Variants in TPD52 observed in about 807,000 individuals in gnomAD.
TPD52 encodes prostate and colon associated protein.
Under a neutral mutation model 31.3 loss-of-function variants are expected in TPD52, and 17 were observed. That is an observed-to-expected ratio of 0.54 (90% CI 0.37 to 0.82). TPD52 has a LOEUF of 0.82. Ranked by LOEUF, TPD52 falls within the 40% of genes least tolerant of loss-of-function variation. The probability of loss-of-function intolerance (pLI) is 0.00; values close to 1 mark genes in which losing one functional copy is unlikely to be tolerated. For missense variants in TPD52, 212 were observed against 240.1 expected, an observed-to-expected ratio of 0.88 and a Z score of 0.77; for synonymous variants, 83 against 89.6, an observed-to-expected ratio of 0.93 and a Z score of 0.42.
chr8:80,076,073 A>AT (rs1304829872), intron 1 of TPD52, among the ~76,000 whole-genome samples: 7 of 152,338 alleles, frequency 4.6e-5, no homozygotes, highest in Non-Finnish European at 1.0e-4. Flanking sequence ...CCTTAAGTCA[A>AT]TAGAAATAAC....
intron 1 of TPD52, among the ~76,000 whole-genome samples, chr8:80,099,392 G>A (rs1430530921): frequency 1.3e-5 from 2 of 151,976 alleles, no homozygotes; most frequent in African/African-American, 4.8e-5. Context: ...AAAACACAAT[G>A]TTTTGAATAT....
At chr8:80,118,248 T>C (rs1808012696) in intron 1 of TPD52, among the ~76,000 whole-genome samples, 1 of 152,150 alleles carries the variant, frequency 6.6e-6, no homozygotes, top group South Asian at 2.1e-4. Flanking sequence ...GGAAAATGGA[T>C]AGCCACATGC....
At chr8:80,167,134 C>T (rs1404810679) in intron 1 of TPD52, among the ~76,000 whole-genome samples, 1 of 152,026 alleles carries the variant, frequency 6.6e-6, no homozygotes, top group Non-Finnish European at 1.5e-5. Flanking sequence ...CCTTAATCCC[C>T]TGGAAACATT....
At chr8:80,064,804 T>C (rs1812943264) in intron 1 of TPD52, 2 of 684,194 alleles carry the variant, frequency 2.9e-6, no homozygotes, top group South Asian at 1.5e-5. Flanking sequence ...TGCCAAAATA[T>C]GAATTTAGAA....
chr8:80,102,008 A>G (rs1426552627), intron 1 of TPD52, among the ~76,000 whole-genome samples: 1 of 152,216 alleles, frequency 6.6e-6, no homozygotes, highest in Non-Finnish European at 1.5e-5. Flanking sequence ...GTGTGCACAC[A>G]CTGAGGGGCT....
At chr8:80,147,927 G>A (rs781454834) in intron 1 of TPD52, among the ~76,000 whole-genome samples, 16 of 151,922 alleles carry the variant, frequency 1.1e-4, no homozygotes, top group Non-Finnish European at 1.9e-4. Context: ...TACTGCCAAT[G>A]CTTGTAAAGA....
chr8:80,156,501 A>G (rs1315854767), intron 1 of TPD52, among the ~76,000 whole-genome samples: 3 of 152,108 alleles, frequency 2.0e-5, no homozygotes, highest in Non-Finnish European at 2.9e-5. Context: ...ATGTTTTAAA[A>G]CCATCACCAA....
At chr8:80,147,642 C>G (rs533804444) in intron 1 of TPD52, among the ~76,000 whole-genome samples, 3 of 152,262 alleles carry the variant, frequency 2.0e-5, no homozygotes, top group African/African-American at 7.2e-5. Flanking sequence ...GCTCCCAGCC[C>G]CCACCATCAT....
chr8:80,068,476 T>G (rs1813409356), intron 1 of TPD52, among the ~76,000 whole-genome samples: 1 of 152,206 alleles, frequency 6.6e-6, no homozygotes, highest in African/African-American at 2.4e-5. Flanking sequence ...CAGATAACAT[T>G]ATCAAACACA....
intron 1 of TPD52, among the ~76,000 whole-genome samples, chr8:80,072,437 G>A (rs1424620833): frequency 5.3e-5 from 5 of 94,520 alleles, no homozygotes; most frequent in Admixed American, 1.2e-4. Context: ...ATAGATATGC[G>A]TGTATATACA....
rs564753642 is a variant in TPD52, at chr8:80,037,310, G to A, written c.*806C>T. On this transcript the variant is annotated 3_prime_UTR_variant, in exon 8 of 8. Transcript: ENST00000518937. ...CTGAACATTGATGACAGTGTTCATA[G>A]TTCAACCTACTGAACATACAGTGTG... 56 of 152,446 alleles carry A rather than the reference G, an allele frequency of 3.7e-4. No individual in the cohort carries two copies. Among genetic ancestry groups the A allele is most frequent in the African/African-American group, 1.3e-3 (54 of 41,548 alleles). The allele number at this position is 152,446 out of a possible 1,614,324, so 9.4% of individuals were successfully genotyped here. A position where few individuals can be genotyped will look rare whatever the true frequency, so the allele number is the denominator to read the frequency against.
intron 1 of TPD52, among the ~76,000 whole-genome samples, chr8:80,119,174 A>G (rs577646095): frequency 6.6e-6 from 1 of 152,372 alleles, no homozygotes; most frequent in Admixed American, 6.5e-5. Context: ...AAAAGACCAC[A>G]TATGTATAAA....
intron 1 of TPD52, among the ~76,000 whole-genome samples, chr8:80,160,525 C>T (rs927218452): frequency 1.3e-5 from 2 of 152,112 alleles, no homozygotes; most frequent in African/African-American, 4.8e-5. Flanking sequence ...ATTCCAACTT[C>T]CATACTGAAA....
intron 1 of TPD52, among the ~76,000 whole-genome samples, chr8:80,091,464 CA>C (rs58616020): frequency 0.55 from 66,543 of 121,646 alleles, 16,763 homozygotes; most frequent in East Asian, 0.77. Context: ...GACTCCATCT[CA>C]AAAAAAAAAA....
intron 2 of TPD52, among the ~76,000 whole-genome samples, chr8:80,061,938 GA>G: frequency 6.6e-6 from 1 of 152,062 alleles, no homozygotes; most frequent in South Asian, 2.1e-4. Context: ...TAAATAAATG[GA>G]AAGACATTTC....
chr8:80,032,515 G>A (rs1809719529), downstream of TPD52, among the ~76,000 whole-genome samples: 1 of 152,190 alleles, frequency 6.6e-6, no homozygotes, highest in African/African-American at 2.4e-5. Flanking sequence ...GCCAGCCTGG[G>A]CAACACAGTG....
chr8:80,081,308 C>T (rs74953663), intron 1 of TPD52, among the ~76,000 whole-genome samples: 2,220 of 152,176 alleles, frequency 0.015, 25 homozygotes, highest in Middle Eastern at 0.037. Flanking sequence ...AATAAACCTG[C>T]GTACCCACCC....
intron 1 of TPD52, among the ~76,000 whole-genome samples, chr8:80,114,266 C>A (rs1807706622): frequency 6.6e-6 from 1 of 151,982 alleles, no homozygotes; most frequent in Admixed American, 6.6e-5. Flanking sequence ...CACAACTCTG[C>A]CTTTCTCCCT....
chr8:80,088,271 A>G (rs1340933554), intron 1 of TPD52, among the ~76,000 whole-genome samples: 1 of 152,210 alleles, frequency 6.6e-6, no homozygotes, highest in Non-Finnish European at 1.5e-5. Flanking sequence ...CTGGAACCAC[A>G]TGGGATCACA....
Sources: gnomAD v4.1 joint callset for allele counts (sites outside exome capture counted in the v4.1 genomes callset) on GRCh38, gnomAD v4.1.1 for gene constraint, MANE v1.5 for transcripts, NCBI Gene and HGNC (gene_info 2026-07-23, HGNC 2026-07-21) for gene names.